ZC3HAV1: variants seen among roughly 807,000 people sequenced by gnomAD.
ZC3HAV1 encodes the protein zinc finger CCCH-type antiviral protein 1.
In ZC3HAV1, 41 loss-of-function variants were observed where a neutral mutation model predicts 86.6. The observed-to-expected ratio is 0.47, with a 90% CI of 0.37 to 0.61. The LOEUF (loss-of-function observed/expected upper bound fraction) is 0.61, where lower values mean the gene tolerates loss of function less well. Ranked by LOEUF, ZC3HAV1 falls within the 20% of genes least tolerant of loss-of-function variation. ZC3HAV1 has a pLI of 0.00. For missense variants in ZC3HAV1, 964 were observed against 1,141.1 expected (o/e 0.84, Z 2.24); for synonymous variants, 421 against 432.1 (o/e 0.97, Z 0.32).
chr7:139,054,277 A>T (rs997873026), intron 10 of ZC3HAV1, among the ~76,000 whole-genome samples, 182 bp from the exon 11 acceptor site: 1 of 152,232 alleles, frequency 6.6e-6, no homozygotes, highest in Non-Finnish European at 1.5e-5. Context: ...TCAGAGAGGC[A>T]GCGGGCCTGT....
At chr7:139,071,952 A>G (rs1563130231) in intron 7 of ZC3HAV1, among the ~76,000 whole-genome samples, 1 of 152,174 alleles carries the variant, frequency 6.6e-6, no homozygotes, top group East Asian at 1.9e-4. Context: ...GTGGCCCACT[A>G]TAGGAGGTGT....
intron 4 of ZC3HAV1, chr7:139,079,114 G>A (rs1817044910): frequency 6.5e-7 from 1 of 1,536,138 alleles, no homozygotes; most frequent in Non-Finnish European, 8.7e-7. Context: ...ACTGAGCAGA[G>A]CCTGTTGTCT....
intron 1 of ZC3HAV1, among the ~76,000 whole-genome samples, chr7:139,094,738 T>C (rs988578045): frequency 6.6e-6 from 1 of 152,118 alleles, no homozygotes; most frequent in Admixed American, 6.6e-5. Flanking sequence ...CTGGGCAGTG[T>C]TGAAAATAAC....
intron 12 of ZC3HAV1, among the ~76,000 whole-genome samples, chr7:139,048,855 G>C (rs1816037669): frequency 1.3e-5 from 2 of 151,822 alleles, no homozygotes; most frequent in African/African-American, 4.8e-5. Flanking sequence ...TGCAAATGAT[G>C]TTCTACTATA....
In ZC3HAV1 at chr7:139,073,872, A is replaced by G. The variant is rs1285814897; in HGVS notation, c.1856T>C (p.Ile619Thr). The G allele has an allele frequency of 2.5e-6, 4 of 1,612,600 alleles. No homozygotes were observed. The highest frequency in any genetic ancestry group is 3.4e-6 in the Non-Finnish European group (4 of 1,179,102). Reference sequence around the variant, plus strand: ...AGTGCTCACCTCTTCTCCATACTGAATCCATGTGCCAGATTCATTCTTCCA... The same window carrying G: ...AGTGCTCACCTCTTCTCCATACTGAGTCCATGTGCCAGATTCATTCTTCCA... Reference protein sequence around the residue: ...WYWKNESGTWIQYGEEKDKRK... With the variant: ...WYWKNESGTWTQYGEEKDKRK... The change falls in exon 7 of 13, where the codon ATT becomes ACT. Residue 619 changes from isoleucine to threonine, a missense_variant. Coordinates refer to ENST00000242351, the MANE Select transcript of ZC3HAV1 (RefSeq NM_020119.4).
At chr7:139,098,246 AC>A (rs1480057299) in intron 1 of ZC3HAV1, among the ~76,000 whole-genome samples, 2 of 152,136 alleles carry the variant, frequency 1.3e-5, no homozygotes, top group African/African-American at 2.4e-5. Flanking sequence ...GCCTCCATAC[AC>A]TTTAAATGGG....
In ZC3HAV1 at chr7:139,108,070, G is replaced by GT. The variant is rs1275968267; in HGVS notation, c.308+953dup. Among the ~76,000 whole-genome samples, 1 of 152,132 alleles carries GT rather than the reference G, an allele frequency of 6.6e-6. No individual in the cohort carries two copies. Among genetic ancestry groups the GT allele is most frequent in the African/African-American group, 2.4e-5 (1 of 41,420 alleles). ...AAACCCTGCCTGGGGGAAAAGATGA[G>GT]TTTGACTCCATGGACAGGACACACG... On this transcript the variant is annotated intron_variant, in intron 1 of 12. Transcript: ENST00000242351. This position sits in a 1 kb window ranked among gnomAD's most constrained non-coding sequence, Gnocchi z 4.2.
At position 139,057,577 on chromosome 7, in the gene ZC3HAV1, T is replaced by C. The variant is rs1163110133; in HGVS notation, c.2097-2282A>G. 6.7e-4 allele frequency among the ~76,000 whole-genome samples: 14 copies of C among 20,892 alleles called. 5 individuals are homozygous for C. Among genetic ancestry groups the C allele is most frequent in the Non-Finnish European group, 1.0e-3 (12 of 11,632 alleles). 13.7% of individuals were successfully genotyped at this position (20,892 alleles called of 152,430 possible). A position where few individuals can be genotyped will look rare whatever the true frequency, so the allele number is the denominator to read the frequency against. Reference sequence around the variant, plus strand: ...TTTTTGAGACGGAGTCTCCCTCTGTTGCCCAGGCTGGAGTGCAGTGGCGCG... The same window carrying C: ...TTTTTGAGACGGAGTCTCCCTCTGTCGCCCAGGCTGGAGTGCAGTGGCGCG... On this transcript the variant is annotated intron_variant, in intron 9 of 12. Transcript: ENST00000242351.
At chr7:139,104,246 G>A (rs1279852584) in intron 1 of ZC3HAV1, among the ~76,000 whole-genome samples, 1 of 151,526 alleles carries the variant, frequency 6.6e-6, no homozygotes, top group African/African-American at 2.4e-5. Flanking sequence ...AACCGAAAAG[G>A]AAAGACATAC....
At chr7:139,074,167 G>C in intron 6 of ZC3HAV1, 137 bp from the exon 7 acceptor site, 1 of 749,846 alleles carries the variant, frequency 1.3e-6, no homozygotes, top group Non-Finnish European at 2.0e-6. Flanking sequence ...CATGGCTCCA[G>C]GTCCTACACA....
At chr7:139,069,735 CA>C (rs1222987600) in intron 7 of ZC3HAV1, among the ~76,000 whole-genome samples, 2 of 152,312 alleles carry the variant, frequency 1.3e-5, no homozygotes, top group East Asian at 3.9e-4. Flanking sequence ...CCTGAGAGCT[CA>C]TAATCAAAGC....
At chr7:139,075,217 A>G (rs1016963316) in intron 6 of ZC3HAV1, among the ~76,000 whole-genome samples, 2 of 152,208 alleles carry the variant, frequency 1.3e-5, no homozygotes, top group Admixed American at 1.3e-4. Context: ...CCTAGCAACC[A>G]GAAAGTAGCT....
chr7:139,078,607 A>G lies in ZC3HAV1; in HGVS notation c.1518T>C (p.Asp506=), dbSNP rs1584857417. ...VTSTTSSRVD[D]HDSEEICLDH... ...CAAGACAAATTTCCTCTGAGTCATG[A>G]TCATCCACCCTAGAAGATGTGGTAC... is the stretch of plus-strand genomic sequence containing the variant. The change falls in exon 5 of 13, where the codon GAT becomes GAC. Residue 506 remains aspartate, a synonymous_variant. Transcript: ENST00000242351. The G allele has an allele frequency of 1.3e-6, 2 of 1,592,152 alleles. No individual in the cohort carries two copies. The highest frequency in any genetic ancestry group is 2.3e-5 in the East Asian group (1 of 44,222).
intron 1 of ZC3HAV1, among the ~76,000 whole-genome samples, chr7:139,104,981 T>C (rs1435789477): frequency 1.5e-5 from 2 of 137,448 alleles, no homozygotes; most frequent in Non-Finnish European, 3.0e-5. Context: ...TGCAGCGAGC[T>C]GAGATCACGC....
intron 1 of ZC3HAV1, among the ~76,000 whole-genome samples, chr7:139,101,885 TCCTCTGCCTAGGA>T (rs1330290012): frequency 1.2e-4 from 18 of 151,858 alleles, no homozygotes; most frequent in African/African-American, 4.3e-4. Flanking sequence ...GGCCGCAGGG[TCCTCTGCCTAGGA>T]AAACCAGAGA....
chr7:139,087,233 C>A (rs775085422), intron 2 of ZC3HAV1, among the ~76,000 whole-genome samples: 4 of 152,168 alleles, frequency 2.6e-5, no homozygotes, highest in African/African-American at 9.7e-5. Flanking sequence ...TCAGCAGGAG[C>A]TTTAACGGGA....
At chr7:139,055,545 A>C (rs1816259318) in intron 9 of ZC3HAV1, among the ~76,000 whole-genome samples, 1 of 152,218 alleles carries the variant, frequency 6.6e-6, no homozygotes, top group Non-Finnish European at 1.5e-5. Context: ...TAAAATGTAA[A>C]AGTATTGACT....
At chr7:139,097,428 A>ATATATTTTTTTTTTTTTTTTTTTT in intron 1 of ZC3HAV1, among the ~76,000 whole-genome samples, 2 of 48,158 alleles carry the variant, frequency 4.2e-5, no homozygotes, top group East Asian at 9.0e-4. Flanking sequence ...ATATATATAT[A>ATATATTTTTTTTTTTTTTTTTTTT]TTTTTTTTTT....
At chr7:139,053,827 GA>G (rs34548487) in intron 11 of ZC3HAV1, 137 bp downstream of exon 11, 55,877 of 805,480 alleles carry the variant, frequency 0.069, 45 homozygotes, top group Non-Finnish European at 0.078. Context: ...TTGATAGAAT[GA>G]AAAAAAAAAA....
Sources: gnomAD v4.1 joint callset for allele counts (sites outside exome capture counted in the v4.1 genomes callset) on GRCh38, gnomAD v4.1.1 for gene constraint, Gnocchi (gnomAD v3.1) non-coding constraint, MANE v1.5 for transcripts, NCBI Gene and HGNC (gene_info 2026-07-23, HGNC 2026-07-21) for gene names.